The following XPO7 variants were observed in gnomAD, a reference collection of about 807,000 sequenced individuals.
XPO7 encodes exportin 7, also known as exportin-7.
XPO7 carries 21 observed loss-of-function variants against 144.3 expected under a neutral mutation model. That is an observed-to-expected ratio of 0.15 (90% CI 0.10 to 0.21). XPO7 has a LOEUF of 0.21. Among genes scored for constraint, XPO7 ranks in the 10% least tolerant of loss-of-function variants. The pLI, the probability that XPO7 is intolerant of heterozygous loss-of-function variation, is 1.00. For missense variants in XPO7, 808 were observed against 1,325.8 expected (o/e 0.61, Z 6.06); for synonymous variants, 580 against 499.6 (o/e 1.16, Z -2.15).
intron 1 of XPO7, among the ~76,000 whole-genome samples, chr8:21,920,247 C>T (rs1004309710): frequency 3.3e-5 from 5 of 152,072 alleles, no homozygotes; most frequent in Non-Finnish European, 7.4e-5. Flanking sequence ...CCTCGCTCTC[C>T]GGAGTCTTTC....
chr8:21,997,858 G>A (rs1813003723), intron 21 of XPO7, among the ~76,000 whole-genome samples: 2 of 152,084 alleles, frequency 1.3e-5, no homozygotes, highest in South Asian at 4.1e-4. Flanking sequence ...GGGGAGGAAG[G>A]AGGAAGGACT....
At chr8:21,990,942 C>T (rs199749196) in intron 18 of XPO7, 23 bp downstream of exon 18, 12 of 1,601,654 alleles carry the variant, frequency 7.5e-6, no homozygotes, top group African/African-American at 2.7e-5. Context: ...ATCGTAGTGG[C>T]TCATGAAGTC....
intron 20 of XPO7, among the ~76,000 whole-genome samples, chr8:21,995,245 A>G (rs947779896): frequency 1.3e-5 from 2 of 152,174 alleles, no homozygotes; most frequent in Admixed American, 6.5e-5. Flanking sequence ...AGTATGAAAT[A>G]CATCATGCTC....
At chr8:21,972,226 G>A (rs866091718) in intron 5 of XPO7, among the ~76,000 whole-genome samples, 24 of 150,810 alleles carry the variant, frequency 1.6e-4, no homozygotes, top group Middle Eastern at 3.4e-3. Flanking sequence ...AAAAGCGATC[G>A]CAGCACTTTG....
intron 21 of XPO7, among the ~76,000 whole-genome samples, chr8:21,996,573 A>G (rs534427286): frequency 6.6e-6 from 1 of 152,308 alleles, no homozygotes; most frequent in South Asian, 2.1e-4. Context: ...GAAGGATATG[A>G]TAGATATTAG....
rs549980863 is a variant in XPO7 at position 21,965,750 on chromosome 8, C to T, written c.19-1107C>T. 7.1e-4 allele frequency among the ~76,000 whole-genome samples: 108 copies of T among 152,304 alleles called. 1 individual carries two copies. In the South Asian group the frequency reaches 0.021, roughly 29 times the overall value. ...GTGGAAAAGCTGTGATTTATAAAGACACAGTGTAATGAAATAAAGTGATAA... is the reference window on the plus strand; with the variant it reads ...GTGGAAAAGCTGTGATTTATAAAGATACAGTGTAATGAAATAAAGTGATAA... On this transcript the variant is annotated intron_variant, in intron 1 of 27. Transcript: ENST00000252512.
intron 1 of XPO7, among the ~76,000 whole-genome samples, chr8:21,928,722 C>T (rs1348487849): frequency 2.6e-5 from 4 of 152,194 alleles, no homozygotes; most frequent in Non-Finnish European, 4.4e-5. Context: ...TTTGTATGGC[C>T]TGCACCCTGA....
Position 21,966,958 on chromosome 8 carries a change from C to A in XPO7, c.120C>A (p.Ser40Arg), listed in dbSNP as rs747051221. The change falls in exon 2 of 28, where the codon AGC becomes AGA. Residue 40 changes from serine (S) to arginine (R), a missense_variant. Physicochemically the swap from Ser to Arg is moderately radical, Grantham distance 110 (BLOSUM62 -1). Around this residue, in one of 5 missense-constraint regions of XPO7, gnomAD observed 223 missense variants for 368.8 expected, o/e 0.60. Coordinates refer to ENST00000252512, the MANE Select transcript of XPO7 (RefSeq NM_015024.5). ...AEKALVEFTN[S>R]PDCLSKCQLL... ...AAGCCTTGGTTGAATTTACCAACAG[C>A]CCTGATTGCCTGAGCAAGTGCCAGC... is the stretch of plus-strand genomic sequence containing the variant. The A allele has an allele frequency of 6.2e-7, 1 of 1,613,918 alleles. No homozygotes were observed. The highest frequency in any genetic ancestry group is 8.5e-7 in the Non-Finnish European group (1 of 1,179,836).
chr8:21,987,160 C>G lies in XPO7; in HGVS notation c.1597C>G (p.Leu533Val). The G allele has an allele frequency of 6.2e-7, 1 of 1,613,986 alleles. No individual in the cohort carries two copies. The highest frequency in any genetic ancestry group is 8.5e-7 in the Non-Finnish European group (1 of 1,179,886). The change falls in exon 14 of 28, where the codon CTA becomes GTA. Residue 533 changes from leucine to valine, a missense_variant. Transcript: ENST00000252512. The stretch of plus-strand genomic sequence containing the variant: ...CTCCAGGGTGCTCCAGCTGATGAAC[C>G]TAACAGATTCTCGTTTGGCCCAGGC... ...LVCRVLQLMNLTDSRLAQAGN... is the reference protein window; with the variant it reads ...LVCRVLQLMNVTDSRLAQAGN...
chr8:21,934,558 G>T (rs1029151219), intron 1 of XPO7, among the ~76,000 whole-genome samples: 1 of 152,020 alleles, frequency 6.6e-6, no homozygotes, highest in Non-Finnish European at 1.5e-5. Context: ...AATATTTTAA[G>T]ATAGAGAACT....
At chr8:21,930,563 G>C (rs1376800851) in intron 1 of XPO7, among the ~76,000 whole-genome samples, 8 of 152,102 alleles carry the variant, frequency 5.3e-5, no homozygotes, top group Non-Finnish European at 1.2e-4. Flanking sequence ...ACACCAAGCA[G>C]AATACCATAG....
At chr8:21,927,224 T>TA (rs34887734) in intron 1 of XPO7, among the ~76,000 whole-genome samples, 3 of 151,530 alleles carry the variant, frequency 2.0e-5, no homozygotes, top group Non-Finnish European at 4.4e-5. Flanking sequence ...CCAAGTCTTT[T>TA]AAAAAAAATT....
intron 9 of XPO7, 37 bp downstream of exon 9, chr8:21,980,240 A>G: frequency 6.5e-7 from 1 of 1,548,226 alleles, no homozygotes; most frequent in Non-Finnish European, 8.7e-7. Context: ...GTATAGGATT[A>G]GTGTATGGCC....
intron 1 of XPO7, among the ~76,000 whole-genome samples, chr8:21,959,653 A>T (rs74759112): frequency 6.6e-6 from 1 of 152,188 alleles, no homozygotes; most frequent in Admixed American, 6.5e-5. Flanking sequence ...TAAAAAAAAA[A>T]TGTCCTAATC....
At position 21,983,212 on chromosome 8, in the gene XPO7, G is replaced by A. The variant is rs574999575; in HGVS notation, c.1277+400G>A. Among the ~76,000 whole-genome samples, 30 of 152,312 alleles carry A rather than the reference G, an allele frequency of 2.0e-4. 1 individual carries two copies. The highest frequency in any genetic ancestry group is 7.0e-4 in the African/African-American group (29 of 41,558). On this transcript the variant is annotated intron_variant, in intron 11 of 27. Transcript: ENST00000252512. ...AAGTGGATAAAGATTACACAATCTA[G>A]TTATCAATTCTAATTCCAGAGCTAG...
At chr8:21,947,733 GAACGTATATTCATCAA>G (rs1448654144) in intron 1 of XPO7, among the ~76,000 whole-genome samples, 3 of 152,144 alleles carry the variant, frequency 2.0e-5, no homozygotes, top group Non-Finnish European at 4.4e-5. Flanking sequence ...TTAAAATTAA[GAACGTATATTCATCAA>G]AAGATGAGCA....
chr8:21,923,242 GAC>G (rs1352223786), intron 1 of XPO7, among the ~76,000 whole-genome samples: 1 of 152,174 alleles, frequency 6.6e-6, no homozygotes, highest in Non-Finnish European at 1.5e-5. Context: ...GAATGAGAAA[GAC>G]ACTGGAGCCA....
At position 21,942,230 on chromosome 8, in the gene XPO7, A is replaced by G. The variant is rs148988157; in HGVS notation, c.18+22442A>G. On this transcript the variant is annotated intron_variant, in intron 1 of 27. Coordinates refer to ENST00000252512, the MANE Select transcript of XPO7 (RefSeq NM_015024.5). ...GAAGCTTTTCATCATTTGTAGCAGC[A>G]GTTCTCAACTTTTTTGGTCTTAGGG... Among the ~76,000 whole-genome samples, 48 of 152,342 alleles carry G rather than the reference A, an allele frequency of 3.2e-4. No individual in the cohort carries two copies. In the East Asian group the frequency reaches 8.1e-3, roughly 26 times the overall value.
At chr8:21,965,346 T>G (rs1367498291) in intron 1 of XPO7, among the ~76,000 whole-genome samples, 1 of 152,196 alleles carries the variant, frequency 6.6e-6, no homozygotes. Flanking sequence ...TGTATGTAAT[T>G]AGCCTTATTT....
Sources: allele counts gnomAD v4.1 joint callset (sites outside exome capture counted in the v4.1 genomes callset), GRCh38; gene constraint gnomAD v4.1.1; regional missense constraint gnomAD v4.1.1; transcripts MANE v1.5; gene names NCBI Gene and HGNC (gene_info 2026-07-23, HGNC 2026-07-21).